EXOSC2: variants seen among roughly 807,000 people sequenced by gnomAD.
EXOSC2 encodes the protein exosome component 2.
A neutral mutation model predicts 37.6 loss-of-function variants in EXOSC2; 29 were observed. The ratio of observed to expected loss-of-function variants is 0.77; its 90% confidence interval spans 0.57 to 1.05. EXOSC2 has a LOEUF of 1.05. Among genes scored for constraint, EXOSC2 ranks in the 50% least tolerant of loss-of-function variants. The pLI, the probability that EXOSC2 is intolerant of heterozygous loss-of-function variation, is 0.00. For synonymous variants in EXOSC2, 119 were observed against 131.1 expected (o/e 0.91, Z 0.63); for missense variants, 346 against 365.6 (o/e 0.95, Z 0.44).
chr9:130,698,204 G>A lies in EXOSC2; in HGVS notation c.313G>A (p.Asp105Asn). Reference sequence around the variant, plus strand: ...GAAGGTGGAGACCAACTCCAGGCTGGATTCGGTCTTGCTGCTCTCGTCCAT... The same window carrying A: ...GAAGGTGGAGACCAACTCCAGGCTGAATTCGGTCTTGCTGCTCTCGTCCAT... ...RWKVETNSRL[D>N]SVLLLSSMNL... is the part of the protein sequence containing the mutation. Residue 105 changes from aspartate (D) to asparagine (N), a missense_variant, in exon 4 of 9, where the codon GAT (aspartate) becomes AAT (asparagine). Coordinates refer to ENST00000372358, the MANE Select transcript of EXOSC2 (RefSeq NM_014285.7). The surrounding 1 kb of genome is among the most constrained non-coding windows in gnomAD (Gnocchi z 4.1). The A allele has an allele frequency of 6.2e-7, 1 of 1,614,202 alleles. No homozygotes were observed. Among genetic ancestry groups the A allele is most frequent in the Non-Finnish European group, 8.5e-7 (1 of 1,180,030 alleles).
Position 130,698,088 on chromosome 9 carries a change from C to T in EXOSC2, c.271-74C>T, listed in dbSNP as rs1319244620. 1.8e-5 allele frequency: 26 copies of T among 1,427,192 alleles called. No individual in the cohort carries two copies. The highest frequency in any genetic ancestry group is 2.6e-5 in the Non-Finnish European group (26 of 1,012,770). The allele number at this position is 1,427,192 out of a possible 1,614,324, so 88.4% of individuals were successfully genotyped here. A position where few individuals can be genotyped will look rare whatever the true frequency, so the allele number is the denominator to read the frequency against. ...GGATTACAGGCGTGAGCCACCACATCTGGCCTTACTGGTTATTTATGATAT... is the reference window on the plus strand; with the variant it reads ...GGATTACAGGCGTGAGCCACCACATTTGGCCTTACTGGTTATTTATGATAT... On this transcript the variant is annotated intron_variant, in intron 3 of 8. Coordinates refer to ENST00000372358, the MANE Select transcript of EXOSC2 (RefSeq NM_014285.7). The surrounding 1 kb of genome is among the most constrained non-coding windows in gnomAD (Gnocchi z 4.1).
At chr9:130,699,834 C>G (rs560407280) in intron 5 of EXOSC2, 6 of 159,916 alleles carry the variant, frequency 3.8e-5, no homozygotes, top group Non-Finnish European at 8.3e-5. Context: ...AGACCCCCCT[C>G]TCTACAAAAA....
intron 2 of EXOSC2, 76 bp from the exon 3 acceptor site, chr9:130,697,506 G>A (rs1164125446): frequency 1.5e-5 from 21 of 1,425,174 alleles, no homozygotes; most frequent in South Asian, 4.6e-5. Flanking sequence ...CTGTTGAACC[G>A]ACATCTCAAA....
At chr9:130,702,593 GT>G (rs1270180155) in intron 7 of EXOSC2, among the ~76,000 whole-genome samples, 5 of 79,048 alleles carry the variant, frequency 6.3e-5, no homozygotes, top group African/African-American at 3.6e-4. Flanking sequence ...TTGTTTGTTT[GT>G]TTTGTTTTGT....
rs1338271650 is a variant in EXOSC2, at chr9:130,704,542, AAAC to A, written c.*771_*773del. On this transcript the variant is annotated 3_prime_UTR_variant, in exon 9 of 9. Coordinates refer to ENST00000372358, the MANE Select transcript of EXOSC2 (RefSeq NM_014285.7). ...GAGACTGTGTTTCAAAGAAAAAAAA[AAAC>A]AAGCAGCCTTTTGCTTGGTTGGAAT... 1 of 152,038 alleles carries A rather than the reference AAAC, an allele frequency of 6.6e-6. No individual in the cohort carries two copies. Among genetic ancestry groups the A allele is most frequent in the African/African-American group, 2.4e-5 (1 of 41,396 alleles). The allele number at this position is 152,038 out of a possible 1,614,324, so 9.4% of individuals were successfully genotyped here.
Position 130,703,045 on chromosome 9 carries a change from C to T in EXOSC2, c.673-8C>T. ...TATTTCCCTTCCCCTCTCTGTGTCT[C>T]CTTATAGCCTGTCTCTCTTGCTGAT... On this transcript the variant is annotated splice_polypyrimidine_tract_variant and splice_region_variant and intron_variant, in intron 7 of 8. Coordinates refer to ENST00000372358, the MANE Select transcript of EXOSC2 (RefSeq NM_014285.7). 1 of 1,612,290 alleles carries T rather than the reference C, an allele frequency of 6.2e-7. No homozygotes were observed. The highest frequency in any genetic ancestry group is 8.5e-7 in the Non-Finnish European group (1 of 1,178,898).
rs1831200606 is a variant in EXOSC2 at position 130,700,876 on chromosome 9, C to T, written c.436C>T (p.Gln146Ter). The change falls in exon 6 of 9, where the codon CAG (glutamine) becomes TAG (stop). Residue 146 changes from glutamine to a stop codon, truncating the protein, a stop_gained. Coordinates refer to ENST00000372358, the MANE Select transcript of EXOSC2 (RefSeq NM_014285.7). LOFTEE classifies it high-confidence loss of function. Reference sequence around the variant, plus strand: ...TCATCACCCTGGCCAGGCTGAGGTCCAGGCAGTGTTCTCTGACGGAGCTGT... The same window carrying T: ...TCATCACCCTGGCCAGGCTGAGGTCTAGGCAGTGTTCTCTGACGGAGCTGT... ...QEGDLISAEV[Q>*]AVFSDGAVSL... The T allele has an allele frequency of 1.2e-6, 2 of 1,614,014 alleles. No homozygotes were observed. Among genetic ancestry groups the T allele is most frequent in the Non-Finnish European group, 1.7e-6 (2 of 1,179,980 alleles).
chr9:130,700,361 A>ATTTT (rs1289741201), intron 5 of EXOSC2, among the ~76,000 whole-genome samples: 4 of 142,278 alleles, frequency 2.8e-5, no homozygotes, highest in East Asian at 2.0e-4. Flanking sequence ...TTATTTATTT[A>ATTTT]TTTATTTATT....
Position 130,698,072 on chromosome 9 carries a change from G to A in EXOSC2, c.271-90G>A, listed in dbSNP as rs543169172. On this transcript the variant is annotated intron_variant, in intron 3 of 8. Coordinates refer to ENST00000372358, the MANE Select transcript of EXOSC2 (RefSeq NM_014285.7). The surrounding 1 kb of genome is among the most constrained non-coding windows in gnomAD (Gnocchi z 4.1). ...GCCTCCCAAAGTGCTGGGATTACAG[G>A]CGTGAGCCACCACATCTGGCCTTAC... 3.0e-5 allele frequency: 37 copies of A among 1,248,472 alleles called. No homozygotes were observed. In the African/African-American group the frequency reaches 3.8e-4, roughly 13 times the overall value. The allele number at this position is 1,248,472 out of a possible 1,614,324, so 77.3% of individuals were successfully genotyped here. A position where few individuals can be genotyped will look rare whatever the true frequency, so the allele number is the denominator to read the frequency against.
chr9:130,703,612 G>T, intron 8 of EXOSC2, 82 bp from the exon 9 acceptor site: 1 of 1,081,062 alleles, frequency 9.3e-7, no homozygotes, highest in Non-Finnish European at 1.4e-6. Flanking sequence ...TTATGTTAAC[G>T]GCTTGATTTA....
At chr9:130,693,776 A>T (rs746806616), upstream of EXOSC2, 3 of 1,598,470 alleles carry the variant, frequency 1.9e-6, no homozygotes, top group Admixed American at 5.1e-5. Context: ...CGCCTGCGCA[A>T]CTCATTGGCG....
intron 4 of EXOSC2, 132 bp from the exon 5 acceptor site, chr9:130,699,197 T>C (rs1047645820): frequency 1.1e-6 from 1 of 893,264 alleles, no homozygotes; most frequent in Non-Finnish European, 1.8e-6. Context: ...TTGGGTTACC[T>C]ACTCTTGCTA....
intron 6 of EXOSC2, chr9:130,701,697 C>A: frequency 1.2e-6 from 1 of 867,260 alleles, no homozygotes; most frequent in Non-Finnish European, 1.4e-6. Flanking sequence ...GATTTGCACC[C>A]AGCTCCACCC....
Position 130,693,895 on chromosome 9 carries a change from C to T in EXOSC2, c.104C>T (p.Thr35Met), listed in dbSNP as rs749407451. ...HLVVPGDTIT[T>M]DTGFMRGHGT... ...GTGGTGCCGGGGGATACAATCACTA[C>T]GGACACAGGATTCATGCGGTACGTG... Residue 35 changes from threonine to methionine, a missense_variant, in exon 1 of 9, where the codon ACG (threonine) becomes ATG (methionine). Physicochemically the swap from Thr to Met is moderately conservative, Grantham distance 81. Coordinates refer to ENST00000372358, the MANE Select transcript of EXOSC2 (RefSeq NM_014285.7). 6.2e-6 allele frequency: 10 copies of T among 1,610,158 alleles called. No individual in the cohort carries two copies. The African/African-American group carries it at 6.7e-5, about 11-fold the overall frequency.
In EXOSC2 at chr9:130,695,480, G is replaced by A. The variant is rs186124210; in HGVS notation, c.123-12G>A. 2,322 of 1,609,370 alleles carry A rather than the reference G, an allele frequency of 1.4e-3. 14 individuals are homozygous for A. In the Admixed American group the frequency reaches 0.015, roughly 10 times the overall value. The stretch of plus-strand genomic sequence containing the variant: ...CCTCGTATCCTTTCTTTGTATCTTC[G>A]CCTTGCATCAGGGGCCATGGAACGT... On this transcript the variant is annotated splice_polypyrimidine_tract_variant and intron_variant, in intron 1 of 8. Transcript: ENST00000372358.
chr9:130,697,134 T>C (rs1192033186), intron 2 of EXOSC2, among the ~76,000 whole-genome samples: 2 of 152,232 alleles, frequency 1.3e-5, no homozygotes, highest in African/African-American at 4.8e-5. Context: ...TACGTCTCAT[T>C]AGAATCGCGG....
intron 1 of EXOSC2, 44 bp from the exon 2 acceptor site, chr9:130,695,448 G>T: frequency 6.5e-7 from 1 of 1,539,486 alleles, no homozygotes; most frequent in South Asian, 1.1e-5. Flanking sequence ...AAGTCATTTC[G>T]AGTTACCCTC....
intron 2 of EXOSC2, among the ~76,000 whole-genome samples, chr9:130,697,201 G>A (rs992667845): frequency 5.9e-5 from 9 of 152,344 alleles, no homozygotes; most frequent in African/African-American, 1.7e-4. Context: ...TGGAGGAGAC[G>A]TGAGCAGACT....
At chr9:130,699,068 A>C (rs1404290190) in intron 4 of EXOSC2, among the ~76,000 whole-genome samples, 1 of 152,156 alleles carries the variant, frequency 6.6e-6, no homozygotes, top group Non-Finnish European at 1.5e-5. Flanking sequence ...AATGTTGGCT[A>C]GGTGAGATTG....
Sources: gnomAD v4.1 joint callset for allele counts (sites outside exome capture counted in the v4.1 genomes callset) on GRCh38, gnomAD v4.1.1 for gene constraint, Gnocchi (gnomAD v3.1) non-coding constraint, MANE v1.5 for transcripts, NCBI Gene and HGNC (gene_info 2026-07-23, HGNC 2026-07-21) for gene names.